The following CAST variants were observed in gnomAD, a reference collection of about 807,000 sequenced individuals.
The protein encoded by CAST is MIR583 host.
In CAST, 76 loss-of-function variants were observed where a neutral mutation model predicts 119.6. The ratio of observed to expected loss-of-function variants is 0.64; its 90% CI spans 0.53 to 0.77. The LOEUF is 0.77. CAST is among the 30% of genes least tolerant of loss of function. CAST has a pLI of 0.00. For missense variants in CAST, 953 were observed against 946.5 expected, an observed-to-expected ratio of 1.01 and a Z score of -0.09; for synonymous variants, 319 against 331.6, an observed-to-expected ratio of 0.96 and a Z score of 0.41.
chr5:96,677,197 T>C (rs1483555044), intron 2 of CAST, among the ~76,000 whole-genome samples: 1 of 152,252 alleles, frequency 6.6e-6, no homozygotes, highest in African/African-American at 2.4e-5. Context: ...GTTCTTTTAT[T>C]CTCCAGACCA....
the CAST span, among the ~76,000 whole-genome samples, chr5:96,198,764 A>G: frequency 6.6e-6 from 1 of 152,200 alleles, no homozygotes; most frequent in Non-Finnish European, 1.5e-5. Context: ...ACGTGGAGTG[A>G]GGGTGTTTGA....
chr5:96,017,081 CTGCCT>C, the CAST span, among the ~76,000 whole-genome samples: 1 of 152,114 alleles, frequency 6.6e-6, no homozygotes, highest in Admixed American at 6.5e-5. Flanking sequence ...CATGATCCAC[CTGCCT>C]TGGTCTCCCA....
At chr5:96,505,192 T>TA in the CAST span, among the ~76,000 whole-genome samples, 2 of 152,196 alleles carry the variant, frequency 1.3e-5, no homozygotes, top group African/African-American at 4.8e-5. Flanking sequence ...TTCAAAATGT[T>TA]AAAAAATAAA....
chr5:96,681,589 C>T (rs1280494472), intron 2 of CAST, among the ~76,000 whole-genome samples: 1 of 151,098 alleles, frequency 6.6e-6, no homozygotes, highest in African/African-American at 2.4e-5. Context: ...AAAAATTAGC[C>T]GGGCGTAGTG....
the CAST span, among the ~76,000 whole-genome samples, chr5:96,237,737 T>A: frequency 1.3e-5 from 2 of 152,146 alleles, no homozygotes; most frequent in Admixed American, 1.3e-4. Context: ...TATGTACATA[T>A]TTTTAACAAT....
chr5:96,674,173 C>T (rs1448598003), intron 1 of CAST, among the ~76,000 whole-genome samples: 1 of 152,108 alleles, frequency 6.6e-6, no homozygotes, highest in Non-Finnish European at 1.5e-5. Context: ...GTGACCTTTT[C>T]CCATTTACTA....
At chr5:96,261,260 G>A in the CAST span, among the ~76,000 whole-genome samples, 1 of 152,182 alleles carries the variant, frequency 6.6e-6, no homozygotes, top group East Asian at 1.9e-4. Context: ...GCCATGGGCA[G>A]GTCTATGTAA....
At chr5:96,135,965 G>A in the CAST span, among the ~76,000 whole-genome samples, 1 of 152,088 alleles carries the variant, frequency 6.6e-6, no homozygotes, top group Non-Finnish European at 1.5e-5. Flanking sequence ...GGAGACTGAG[G>A]CAGGAGAATC....
intron 3 of CAST, among the ~76,000 whole-genome samples, chr5:96,713,732 G>A (rs1262413748): frequency 2.0e-5 from 3 of 151,960 alleles, no homozygotes; most frequent in Admixed American, 2.0e-4. Flanking sequence ...CCAGCACTTC[G>A]GGGAGGCTGA....
chr5:96,288,598 A>G, the CAST span, among the ~76,000 whole-genome samples: 2 of 152,194 alleles, frequency 1.3e-5, no homozygotes, highest in Non-Finnish European at 2.9e-5. Context: ...TCATTTTATA[A>G]CCTTAAAAAC....
the CAST span, among the ~76,000 whole-genome samples, chr5:95,979,034 T>G: frequency 2.0e-5 from 3 of 152,242 alleles, no homozygotes; most frequent in East Asian, 5.8e-4. Context: ...CAAAGTACAT[T>G]TCTGAAAAAA....
chr5:96,558,496 A>G (rs1460658985), intron 1 of CAST, among the ~76,000 whole-genome samples: 1 of 152,240 alleles, frequency 6.6e-6, no homozygotes, highest in African/African-American at 2.4e-5. Context: ...GAAGAATCAA[A>G]TAGACGCACT....
chr5:96,369,862 A>G, the CAST span, among the ~76,000 whole-genome samples: 1 of 152,056 alleles, frequency 6.6e-6, no homozygotes, highest in Admixed American at 6.6e-5. Flanking sequence ...TTTGTCTTCA[A>G]TTAGAATGTA....
At chr5:96,347,260 A>G in the CAST span, among the ~76,000 whole-genome samples, 2 of 152,290 alleles carry the variant, frequency 1.3e-5, no homozygotes, top group East Asian at 1.9e-4. Context: ...ACATTAATGC[A>G]TGATACACAG....
At chr5:96,082,767 T>C in the CAST span, among the ~76,000 whole-genome samples, 1 of 152,150 alleles carries the variant, frequency 6.6e-6, no homozygotes, top group African/African-American at 2.4e-5. Context: ...AGAAATATAT[T>C]CTCCATAGGA....
the CAST span, among the ~76,000 whole-genome samples, chr5:96,403,534 C>T: frequency 1.3e-5 from 2 of 152,162 alleles, no homozygotes; most frequent in Non-Finnish European, 2.9e-5. Flanking sequence ...TTCCTGACAG[C>T]CTTCCTTTGT....
chr5:96,400,980 G>A, the CAST span, among the ~76,000 whole-genome samples: 5 of 150,750 alleles, frequency 3.3e-5, no homozygotes, highest in Admixed American at 2.6e-4. Flanking sequence ...CCAGCTACTC[G>A]GGAGGCTGAG....
the CAST span, among the ~76,000 whole-genome samples, chr5:96,123,498 A>G: frequency 6.6e-6 from 1 of 152,158 alleles, no homozygotes; most frequent in Non-Finnish European, 1.5e-5. Flanking sequence ...ACACCTTTAC[A>G]TTATTGGCAT....
intron 1 of CAST, among the ~76,000 whole-genome samples, chr5:96,557,807 G>C (rs947471376): frequency 6.6e-6 from 1 of 152,108 alleles, no homozygotes; most frequent in African/African-American, 2.4e-5. Flanking sequence ...GAGACAGAAA[G>C]TTAACAAGGA....
Sources: gnomAD v4.1 joint callset for allele counts (sites outside exome capture counted in the v4.1 genomes callset) on GRCh38, gnomAD v4.1.1 for gene constraint, MANE v1.5 for transcripts, NCBI Gene and HGNC (gene_info 2026-07-23, HGNC 2026-07-21) for gene names.